Variants in NELL1 observed in about 807,000 individuals in gnomAD.
NELL1 encodes the protein protein kinase C-binding protein NELL1.
A neutral mutation model predicts 107.4 loss-of-function variants in NELL1; 76 were observed. That is an observed-to-expected ratio of 0.71 (90% confidence interval 0.59 to 0.86). The LOEUF (loss-of-function observed/expected upper bound fraction) is 0.86, where lower values mean the gene tolerates loss of function less well. Among genes scored for constraint, NELL1 ranks in the 40% least tolerant of loss-of-function variants. The pLI, the probability that NELL1 is intolerant of heterozygous loss-of-function variation, is 0.00. For missense variants in NELL1, 1,024 were observed against 1,005.5 expected, an observed-to-expected ratio of 1.02 and a Z score of -0.25; for synonymous variants, 353 against 341.2, an observed-to-expected ratio of 1.03 and a Z score of -0.38.
At chr11:21,523,482 TCC>T (rs1346599129) in intron 15 of NELL1, among the ~76,000 whole-genome samples, 1 of 152,208 alleles carries the variant, frequency 6.6e-6, no homozygotes, top group Non-Finnish European at 1.5e-5. Flanking sequence ...CTGTTCCTCT[TCC>T]TGTGTAAGCA....
chr11:20,818,139 CTTTG>C (rs1275984968), intron 3 of NELL1, among the ~76,000 whole-genome samples: 1 of 152,130 alleles, frequency 6.6e-6, no homozygotes, highest in East Asian at 1.9e-4. Context: ...TCTAGTATTT[CTTTG>C]TTAGTTTTCT....
intron 16 of NELL1, among the ~76,000 whole-genome samples, chr11:21,559,331 T>G (rs1323052908): frequency 6.6e-6 from 1 of 151,994 alleles, no homozygotes; most frequent in African/African-American, 2.4e-5. Context: ...TCCAAAAGAG[T>G]TATCCAAAGG....
intron 12 of NELL1, among the ~76,000 whole-genome samples, chr11:21,105,959 C>T (rs1854957938): frequency 7.5e-6 from 1 of 132,948 alleles, no homozygotes; most frequent in Non-Finnish European, 1.6e-5. Flanking sequence ...CTCCCTCCCT[C>T]TCTTTCTTCC....
At chr11:21,147,612 C>G (rs968202500) in intron 13 of NELL1, among the ~76,000 whole-genome samples, 8 of 151,832 alleles carry the variant, frequency 5.3e-5, no homozygotes, top group African/African-American at 1.9e-4. Flanking sequence ...GTGGGTGGAT[C>G]ACCTGAGGTC....
In NELL1 at chr11:20,912,199, C is replaced by CA. The variant is rs547931663; in HGVS notation, c.604-5975dup. ...CCCTGGTGGATCCTTGTGGATAGTG[C>CA]AAAAAAAAGTGCTGCTGATTAAATA... On this transcript the variant is annotated intron_variant, in intron 5 of 19. Transcript: ENST00000357134. 3.4e-3 allele frequency among the ~76,000 whole-genome samples: 522 copies of CA among 151,710 alleles called. 3 individuals carry two copies. Among genetic ancestry groups the CA allele is most frequent in the Non-Finnish European group, 5.0e-3 (340 of 67,862 alleles).
chr11:20,942,541 G>A (rs963795360), intron 10 of NELL1, among the ~76,000 whole-genome samples: 6 of 152,162 alleles, frequency 3.9e-5, no homozygotes, highest in Non-Finnish European at 8.8e-5. Flanking sequence ...TATCACACAA[G>A]GATGTTGTGT....
chr11:20,715,401 A>G (rs907261741), intron 2 of NELL1, among the ~76,000 whole-genome samples: 4 of 150,858 alleles, frequency 2.7e-5, no homozygotes, highest in Non-Finnish European at 5.9e-5. Flanking sequence ...TATATTTTTT[A>G]TCCAGATGAG....
intron 12 of NELL1, among the ~76,000 whole-genome samples, chr11:21,081,937 G>T (rs898644177): frequency 4.6e-5 from 7 of 152,144 alleles, no homozygotes; most frequent in Non-Finnish European, 7.4e-5. Flanking sequence ...TTACTCAGAT[G>T]GGGGAACTGA....
chr11:20,906,831 G>A (rs4923156), intron 5 of NELL1, among the ~76,000 whole-genome samples: 142,246 of 152,120 alleles, frequency 0.94, 66,564 homozygotes, highest in East Asian at 1. Flanking sequence ...TGAGCAACAT[G>A]TGGAAACTTT....
At chr11:20,771,070 C>T (rs1280387584) in intron 2 of NELL1, among the ~76,000 whole-genome samples, 2 of 151,774 alleles carry the variant, frequency 1.3e-5, no homozygotes, top group African/African-American at 4.8e-5. Flanking sequence ...ATATTTGAAG[C>T]TTACTAAGCC....
At chr11:21,036,403 C>CA (rs1274205693) in intron 12 of NELL1, among the ~76,000 whole-genome samples, 2 of 152,004 alleles carry the variant, frequency 1.3e-5, no homozygotes, top group African/African-American at 2.4e-5. Context: ...TATATGGAAC[C>CA]AAAAAACAGC....
At chr11:21,432,007 G>A (rs759224917) in intron 15 of NELL1, among the ~76,000 whole-genome samples, 55 of 152,190 alleles carry the variant, frequency 3.6e-4, no homozygotes, top group Non-Finnish European at 5.6e-4. Context: ...CTTCTTCTGT[G>A]TAGAAATGTA....
intron 15 of NELL1, among the ~76,000 whole-genome samples, chr11:21,507,713 G>A (rs1855319360): frequency 6.6e-6 from 1 of 150,956 alleles, no homozygotes; most frequent in Admixed American, 6.6e-5. Context: ...GATAATGAAA[G>A]TAAAGAAAAT....
chr11:21,153,527 T>G (rs192296578), intron 13 of NELL1, among the ~76,000 whole-genome samples: 22 of 152,298 alleles, frequency 1.4e-4, no homozygotes, highest in African/African-American at 5.1e-4. Flanking sequence ...ACAGAATGTT[T>G]GCCGTGATGG....
chr11:20,673,771 T>C (rs1192022771), intron 1 of NELL1, among the ~76,000 whole-genome samples: 5 of 152,146 alleles, frequency 3.3e-5, no homozygotes, highest in Non-Finnish European at 7.3e-5. Context: ...ATGTCCAAAG[T>C]AGAGAACTTT....
Position 20,669,673 on chromosome 11 carries a change from T to C in NELL1, c.-51T>C. The C allele has an allele frequency of 6.6e-7, 1 of 1,525,676 alleles. No individual in the cohort carries two copies. The highest frequency in any genetic ancestry group is 9.1e-7 in the Non-Finnish European group (1 of 1,100,798). The allele number at this position is 1,525,676 out of a possible 1,614,324, so 94.5% of individuals were successfully genotyped here. A position where few individuals can be genotyped will look rare whatever the true frequency, so the allele number is the denominator to read the frequency against. The stretch of plus-strand genomic sequence containing the variant: ...GCGCGCCTCAGGATCCAGGCTCATT[T>C]GCTTCCACCTAGCTTCGGTGCCCCC... On this transcript the variant is annotated 5_prime_UTR_variant, in exon 1 of 20. Coordinates refer to ENST00000357134, the MANE Select transcript of NELL1 (RefSeq NM_006157.5). This position sits in a 1 kb window ranked among gnomAD's most constrained non-coding sequence, Gnocchi z 4.4.
chr11:20,847,839 C>A, intron 4 of NELL1, 86 bp downstream of exon 4: 1 of 1,406,014 alleles, frequency 7.1e-7, no homozygotes, highest in Non-Finnish European at 9.6e-7. Context: ...TCCTTCAAGA[C>A]TTGCCAGGAA....
chr11:20,721,491 T>C (rs1268431700), intron 2 of NELL1, among the ~76,000 whole-genome samples: 4 of 152,134 alleles, frequency 2.6e-5, no homozygotes, highest in Admixed American at 6.6e-5. Flanking sequence ...CTGTGGCAAA[T>C]TGTGGGAAAA....
At chr11:21,486,696 A>G (rs760039871) in intron 15 of NELL1, among the ~76,000 whole-genome samples, 4 of 152,168 alleles carry the variant, frequency 2.6e-5, no homozygotes, top group Non-Finnish European at 5.9e-5. Context: ...ATGAGACACA[A>G]GAGAATTCTG....
Sources: gnomAD v4.1 joint callset for allele counts (sites outside exome capture counted in the v4.1 genomes callset) on GRCh38, gnomAD v4.1.1 for gene constraint, Gnocchi (gnomAD v3.1) non-coding constraint, MANE v1.5 for transcripts, NCBI Gene and HGNC (gene_info 2026-07-23, HGNC 2026-07-21) for gene names.